Variants in ANO10 observed in about 807,000 individuals in gnomAD.
ANO10 encodes the protein anoctamin 10, also known as anoctamin-10.
ANO10 carries 77 observed loss-of-function variants against 74.7 expected under a neutral mutation model. The ratio of observed to expected loss-of-function variants is 1.03; its 90% CI spans 0.86 to 1.25. The LOEUF is 1.25. ANO10 is among the 50% of genes most tolerant of loss of function. ANO10 has a pLI of 0.00. For synonymous variants in ANO10, 279 were observed against 284.9 expected (o/e 0.98, Z 0.21); for missense variants, 721 against 778.1 (o/e 0.93, Z 0.87).
chr3:43,428,812 A>AAAAAAAAAAAG, intron 12 of ANO10, among the ~76,000 whole-genome samples: 1 of 150,830 alleles, frequency 6.6e-6, no homozygotes, highest in Non-Finnish European at 1.5e-5. Flanking sequence ...AAAAAAAAAA[A>AAAAAAAAAAAG]AAAAAAGTCA....
intron 11 of ANO10, among the ~76,000 whole-genome samples, chr3:43,548,201 G>A (rs2079288762): frequency 6.6e-6 from 1 of 152,156 alleles, no homozygotes; most frequent in African/African-American, 2.4e-5. Flanking sequence ...AGTCCCAAAA[G>A]CCTTTAATTA....
chr3:43,376,069 C>G (rs2091795523), intron 12 of ANO10, among the ~76,000 whole-genome samples: 1 of 152,172 alleles, frequency 6.6e-6, no homozygotes, highest in Non-Finnish European at 1.5e-5. Flanking sequence ...CCTCTTGTCA[C>G]CAACTGGCTG....
chr3:43,529,898 A>G (rs751436211), intron 11 of ANO10, among the ~76,000 whole-genome samples: 12 of 152,178 alleles, frequency 7.9e-5, no homozygotes, highest in Non-Finnish European at 1.8e-4. Context: ...TATATAACAT[A>G]AAATAATATG....
At chr3:43,688,292 C>T (rs150262232) in intron 1 of ANO10, among the ~76,000 whole-genome samples, 544 of 152,252 alleles carry the variant, frequency 3.6e-3, no homozygotes, top group African/African-American at 0.011. Flanking sequence ...GACTCAGTAC[C>T]ACTGGGCTTG....
intron 11 of ANO10, among the ~76,000 whole-genome samples, chr3:43,475,242 A>C (rs116248506): frequency 0.048 from 7,357 of 152,278 alleles, 201 homozygotes; most frequent in Non-Finnish European, 0.059. Flanking sequence ...AATGTTGGAC[A>C]TATAGCTCCT....
chr3:43,591,399 C>T (rs1346791147), intron 4 of ANO10, among the ~76,000 whole-genome samples: 1 of 152,150 alleles, frequency 6.6e-6, no homozygotes, highest in African/African-American at 2.4e-5. Flanking sequence ...CGGTTCTCTT[C>T]CATGACTCAC....
chr3:43,391,104 G>T (rs2092263243), intron 12 of ANO10, among the ~76,000 whole-genome samples: 2 of 152,196 alleles, frequency 1.3e-5, no homozygotes, highest in Non-Finnish European at 2.9e-5. Flanking sequence ...AACTATCTGA[G>T]GGTAAGCTGC....
intron 1 of ANO10, among the ~76,000 whole-genome samples, chr3:43,654,469 A>G (rs183509314): frequency 1.6e-4 from 24 of 152,258 alleles, no homozygotes; most frequent in Admixed American, 7.8e-4. Context: ...CATTACCTAC[A>G]TCAGAAAATG....
At chr3:43,367,080 T>C in intron 12 of ANO10, 106 bp from the exon 13 acceptor site, 1 of 1,069,868 alleles carries the variant, frequency 9.3e-7, no homozygotes, top group Non-Finnish European at 1.4e-6. Context: ...CCCAGGGAAG[T>C]GGTGACTCTG....
chr3:43,691,041 T>C, intron 1 of ANO10: 2 of 1,551,648 alleles, frequency 1.3e-6, no homozygotes, highest in Admixed American at 1.9e-5. Flanking sequence ...CGGAGAGAGG[T>C]AAGCGCAGCC....
intron 11 of ANO10, among the ~76,000 whole-genome samples, chr3:43,477,189 C>A (rs2076098391): frequency 6.6e-6 from 1 of 152,022 alleles, no homozygotes; most frequent in South Asian, 2.1e-4. Context: ...AACTGATCAG[C>A]ATATTGAGAT....
upstream of ANO10, among the ~76,000 whole-genome samples, chr3:43,622,324 G>A (rs1283473313): frequency 5.9e-5 from 9 of 152,220 alleles, no homozygotes; most frequent in Admixed American, 5.9e-4. Context: ...ACGGCAGCGG[G>A]AGAGGCGCGG....
intron 11 of ANO10, among the ~76,000 whole-genome samples, chr3:43,476,277 A>G (rs2076062270): frequency 6.6e-6 from 1 of 152,202 alleles, no homozygotes; most frequent in Admixed American, 6.5e-5. Context: ...GGTAGACCTG[A>G]AGGTTGCCCC....
intron 8 of ANO10, among the ~76,000 whole-genome samples, chr3:43,565,088 G>GA (rs1382589725): frequency 6.6e-6 from 1 of 152,016 alleles, no homozygotes; most frequent in African/African-American, 2.4e-5. Flanking sequence ...TTAAAACTGG[G>GA]AAAAAACAGC....
At chr3:43,446,414 A>G (rs1180495833) in intron 11 of ANO10, among the ~76,000 whole-genome samples, 3 of 152,234 alleles carry the variant, frequency 2.0e-5, no homozygotes, top group Non-Finnish European at 2.9e-5. Flanking sequence ...TCTGAGAGAG[A>G]GCAACTTCAT....
At chr3:43,548,118 C>T (rs1453210289) in intron 11 of ANO10, among the ~76,000 whole-genome samples, 2 of 152,198 alleles carry the variant, frequency 1.3e-5, no homozygotes, top group Non-Finnish European at 2.9e-5. Context: ...GGTAAAGTAT[C>T]TTTTTATTGT....
intron 1 of ANO10, among the ~76,000 whole-genome samples, chr3:43,636,031 A>C (rs116489359): frequency 0.023 from 3,524 of 152,152 alleles, 122 homozygotes; most frequent in African/African-American, 0.078. Flanking sequence ...ACAAAAAAAA[A>C]CAAAAAAAAC....
At chr3:43,468,059 A>G (rs921649450) in intron 11 of ANO10, among the ~76,000 whole-genome samples, 2 of 152,198 alleles carry the variant, frequency 1.3e-5, no homozygotes, top group African/African-American at 4.8e-5. Context: ...GTCATATTTT[A>G]AGCTTTAATT....
chr3:43,498,843 T>C (rs1213905893), intron 11 of ANO10, among the ~76,000 whole-genome samples: 2 of 152,250 alleles, frequency 1.3e-5, no homozygotes, highest in African/African-American at 4.8e-5. Context: ...ACATTTCTTG[T>C]ACTCAGTGCT....
Sources: gnomAD v4.1 joint callset for allele counts (sites outside exome capture counted in the v4.1 genomes callset) on GRCh38, gnomAD v4.1.1 for gene constraint, MANE v1.5 for transcripts, NCBI Gene and HGNC (gene_info 2026-07-23, HGNC 2026-07-21) for gene names.